Variants in SLCO3A1 observed in about 807,000 individuals in gnomAD.
SLCO3A1 encodes the protein solute carrier organic anion transporter family member 3A1.
Under a neutral mutation model 63.1 loss-of-function variants are expected in SLCO3A1, and 27 were observed. The observed-to-expected ratio is 0.43, with a 90% CI of 0.32 to 0.59. The LOEUF (loss-of-function observed/expected upper bound fraction) is 0.59. SLCO3A1 is among the 20% of genes least tolerant of loss of function. The pLI, the probability that SLCO3A1 is intolerant of heterozygous loss-of-function variation, is 0.09. For missense variants in SLCO3A1, 773 were observed against 945.8 expected (o/e 0.82, Z 2.40); for synonymous variants, 473 against 409.9 (o/e 1.15, Z -1.86).
Position 91,894,124 on chromosome 15 carries a change from C to T in SLCO3A1, c.181-21869C>T, listed in dbSNP as rs1269735570. Reference sequence around the variant, plus strand: ...AGTGTTCCAGGCAGATGCAGTAGCACATTGTCTCAAGTTGAGGATGGGTTT... The same window carrying T: ...AGTGTTCCAGGCAGATGCAGTAGCATATTGTCTCAAGTTGAGGATGGGTTT... On this transcript the variant is annotated intron_variant, in intron 1 of 9. Transcript: ENST00000318445. This position sits in a 1 kb window ranked among gnomAD's most constrained non-coding sequence, Gnocchi z 4.8. Among the ~76,000 whole-genome samples, 1 of 152,084 alleles carries T rather than the reference C, an allele frequency of 6.6e-6. No individual in the cohort carries two copies. Among genetic ancestry groups the T allele is most frequent in the Non-Finnish European group, 1.5e-5 (1 of 68,032 alleles).
At position 92,126,143 on chromosome 15, in the gene SLCO3A1, G is replaced by A. The variant is rs756830912; in HGVS notation, c.1257G>A (p.Gly419=). The change falls in exon 6 of 10, where the codon GGG becomes GGA. Residue 419 remains glycine (G), a synonymous_variant. Coordinates refer to ENST00000318445, the MANE Select transcript of SLCO3A1 (RefSeq NM_013272.4). The part of the protein sequence containing the change: ...LVKKLSLSAL[G]AIRMAMLVNL... ...AGAAGCTCAGCCTGTCTGCCCTGGG[G>A]GCCATTCGGATGGCCATGCTCGTCA... 6.2e-7 allele frequency: 1 copy of A among 1,613,914 alleles called. No homozygotes were observed. Among genetic ancestry groups the A allele is most frequent in the Admixed American group, 1.7e-5 (1 of 60,008 alleles).
At chr15:92,048,948 C>T (rs2046923926) in intron 2 of SLCO3A1, among the ~76,000 whole-genome samples, 4 of 152,192 alleles carry the variant, frequency 2.6e-5, no homozygotes, top group South Asian at 2.1e-4. Flanking sequence ...TCACTGAATG[C>T]TCACATAACT....
rs1898024540 is a variant in SLCO3A1, at chr15:91,897,101, G to A, written c.181-18892G>A. Among the ~76,000 whole-genome samples the A allele has an allele frequency of 6.6e-6, 1 of 152,178 alleles. No homozygotes were observed. Among genetic ancestry groups the A allele is most frequent in the Non-Finnish European group, 1.5e-5 (1 of 68,038 alleles). On this transcript the variant is annotated intron_variant, in intron 1 of 9. Transcript: ENST00000318445. The surrounding 1 kb of genome is among the most constrained non-coding windows in gnomAD (Gnocchi z 4.7). The stretch of plus-strand genomic sequence containing the variant: ...AGCTGGAAAGTTGTGAGAAATCAAA[G>A]TAACCGTAAGATAAGTTCCTACCAC...
intron 7 of SLCO3A1, among the ~76,000 whole-genome samples, chr15:92,129,515 C>A (rs960988688): frequency 3.3e-5 from 5 of 152,186 alleles, no homozygotes; most frequent in African/African-American, 7.2e-5. Flanking sequence ...GTGCCTCTTT[C>A]TCCTAAAGAC....
intron 3 of SLCO3A1, among the ~76,000 whole-genome samples, chr15:92,097,054 A>C (rs207972): frequency 0.3 from 45,769 of 152,034 alleles, 7,140 homozygotes; most frequent in South Asian, 0.35. Flanking sequence ...GAGAGGAGGC[A>C]TACTCCTGAT....
At chr15:92,017,488 G>A (rs1003704067) in intron 2 of SLCO3A1, among the ~76,000 whole-genome samples, 1 of 152,110 alleles carries the variant, frequency 6.6e-6, no homozygotes, top group Non-Finnish European at 1.5e-5. Flanking sequence ...GGCTGGACAC[G>A]ATGGCGCTCC....
At position 91,862,782 on chromosome 15, in the gene SLCO3A1, C is replaced by T. The variant is rs185854619; in HGVS notation, c.180+8694C>T. On this transcript the variant is annotated intron_variant, in intron 1 of 9. Transcript: ENST00000318445. This position sits in a 1 kb window ranked among gnomAD's most constrained non-coding sequence, Gnocchi z 4.0. ...GGGAGTTAGAAGTGATTATTTTTAC[C>T]GCCATTTCTGCACTTGCAAGGTTGA... Among the ~76,000 whole-genome samples the T allele has an allele frequency of 1.5e-3, 222 of 152,284 alleles. No individual in the cohort carries two copies. The Middle Eastern group carries it at 0.017, about 12-fold the overall frequency.
At chr15:91,889,417 A>G (rs1881825912) in intron 1 of SLCO3A1, among the ~76,000 whole-genome samples, 1 of 152,210 alleles carries the variant, frequency 6.6e-6, no homozygotes, top group African/African-American at 2.4e-5. Context: ...TCCCAGGGGT[A>G]TCTTGACCTT....
chr15:91,871,287 T>A (rs1897273097), intron 1 of SLCO3A1, among the ~76,000 whole-genome samples: 1 of 152,142 alleles, frequency 6.6e-6, no homozygotes, highest in South Asian at 2.1e-4. Context: ...GGGTGCTGAG[T>A]AGGCTTGGCT....
At chr15:91,953,675 T>G (rs1318791062) in intron 2 of SLCO3A1, among the ~76,000 whole-genome samples, 4 of 152,048 alleles carry the variant, frequency 2.6e-5, no homozygotes, top group Non-Finnish European at 5.9e-5. Flanking sequence ...AGTGGGAATT[T>G]CCCACCTCTG....
intron 2 of SLCO3A1, among the ~76,000 whole-genome samples, chr15:91,932,385 C>G (rs1039762115): frequency 4.6e-5 from 7 of 152,074 alleles, no homozygotes; most frequent in African/African-American, 1.7e-4. Flanking sequence ...TTATCTCTAC[C>G]CCTACCTGGC....
chr15:92,047,396 A>G lies in SLCO3A1; in HGVS notation c.647-47485A>G, dbSNP rs1312976338. Among the ~76,000 whole-genome samples the G allele has an allele frequency of 1.1e-4, 2 of 17,562 alleles. 1 individual carries two copies. Among genetic ancestry groups the G allele is most frequent in the Non-Finnish European group, 2.1e-4 (2 of 9,390 alleles). The allele number at this position is 17,562 out of a possible 152,430, so 11.5% of individuals were successfully genotyped here. A position where few individuals can be genotyped will look rare whatever the true frequency, so the allele number is the denominator to read the frequency against. On this transcript the variant is annotated intron_variant, in intron 2 of 9. Coordinates refer to ENST00000318445, the MANE Select transcript of SLCO3A1 (RefSeq NM_013272.4). ...ATATACAAATATATATATAATATAT[A>G]AATATATATACAAATATATATATAA...
In SLCO3A1 at chr15:91,854,024, T is replaced by G. The variant is rs767834600; in HGVS notation, c.116T>G (p.Ile39Ser). ...KKKKVSCFSNIKIFLVSECAL... is the reference protein window; with the variant it reads ...KKKKVSCFSNSKIFLVSECAL... Reference sequence around the variant, plus strand: ...AAGAAGGTGTCCTGCTTTTCCAACATCAAGATCTTCCTGGTGTCCGAGTGC... The same window carrying G: ...AAGAAGGTGTCCTGCTTTTCCAACAGCAAGATCTTCCTGGTGTCCGAGTGC... The change falls in exon 1 of 10, where the codon ATC (isoleucine) becomes AGC (serine). Residue 39 changes from isoleucine (I) to serine (S), a missense_variant. Around this residue, in one of 3 missense-constraint regions of SLCO3A1, gnomAD observed 69 missense variants for 64.6 expected, o/e 1.07. Coordinates refer to ENST00000318445, the MANE Select transcript of SLCO3A1 (RefSeq NM_013272.4). This position sits in a 1 kb window ranked among gnomAD's most constrained non-coding sequence, Gnocchi z 6.4. 2 of 1,542,654 alleles carry G rather than the reference T, an allele frequency of 1.3e-6. No individual in the cohort carries two copies. Among genetic ancestry groups the G allele is most frequent in the Non-Finnish European group, 1.7e-6 (2 of 1,143,092 alleles).
At chr15:92,133,362 G>T (rs192465262) in intron 7 of SLCO3A1, among the ~76,000 whole-genome samples, 2 of 146,032 alleles carry the variant, frequency 1.4e-5, no homozygotes, top group Non-Finnish European at 1.5e-5. Flanking sequence ...GACCATATTT[G>T]CCCACTATAA....
intron 2 of SLCO3A1, among the ~76,000 whole-genome samples, chr15:92,018,792 C>T (rs531661612): frequency 6.6e-6 from 1 of 152,248 alleles, no homozygotes; most frequent in African/African-American, 2.4e-5. Flanking sequence ...AGTGTGTTCC[C>T]CATTTCAGTC....
Position 92,124,846 on chromosome 15 carries a change from G to T in SLCO3A1, c.1175-1215G>T, listed in dbSNP as rs138087987. ...GGCAAGTGTCCCAGGAGAGGGAACT[G>T]CACGTGCAAAGCCTGGGGAAGCAGA... On this transcript the variant is annotated intron_variant, in intron 5 of 9. Transcript: ENST00000318445. Among the ~76,000 whole-genome samples, 57 of 152,278 alleles carry T rather than the reference G, an allele frequency of 3.7e-4. No individual in the cohort carries two copies. In the East Asian group the frequency reaches 0.01, roughly 27 times the overall value.
intron 2 of SLCO3A1, among the ~76,000 whole-genome samples, chr15:92,039,465 G>A (rs74921416): frequency 1.3e-5 from 2 of 152,096 alleles, no homozygotes; most frequent in South Asian, 2.1e-4. Context: ...AACATAGGAA[G>A]AAAAGCTCCA....
At chr15:92,046,841 G>T (rs1012947580) in intron 2 of SLCO3A1, among the ~76,000 whole-genome samples, 1 of 149,420 alleles carries the variant, frequency 6.7e-6, no homozygotes, top group African/African-American at 2.5e-5. Context: ...CTTTAGGCAG[G>T]TGTTTCTCAG....
At chr15:92,143,616 G>C (rs988650292) in intron 7 of SLCO3A1, among the ~76,000 whole-genome samples, 4 of 140,798 alleles carry the variant, frequency 2.8e-5, no homozygotes, top group East Asian at 4.3e-4. Flanking sequence ...ATTTGATGTA[G>C]GTATGTGAGC....
Sources: gnomAD v4.1 joint callset for allele counts (sites outside exome capture counted in the v4.1 genomes callset) on GRCh38, gnomAD v4.1.1 for gene constraint, gnomAD v4.1.1 regional missense constraint, Gnocchi (gnomAD v3.1) non-coding constraint, MANE v1.5 for transcripts, NCBI Gene and HGNC (gene_info 2026-07-23, HGNC 2026-07-21) for gene names.